KIF6: variants seen among roughly 807,000 people sequenced by gnomAD.
KIF6 encodes the protein kinesin family member 6, also known as kinesin-like protein KIF6.
KIF6 carries 106 observed loss-of-function variants against 112.7 expected under a neutral mutation model. That is an observed-to-expected ratio of 0.94 (90% CI 0.80 to 1.11). The LOEUF (loss-of-function observed/expected upper bound fraction) is 1.11. Ranked by LOEUF, KIF6 falls within the 50% of genes least tolerant of loss-of-function variation. The pLI, the probability that KIF6 is intolerant of heterozygous loss-of-function variation, is 0.00. For missense variants in KIF6, 929 were observed against 964.0 expected, an observed-to-expected ratio of 0.96 and a Z score of 0.48; for synonymous variants, 339 against 339.9, an observed-to-expected ratio of 1.00 and a Z score of 0.03.
chr6:39,571,823 C>A (rs1254240304), intron 10 of KIF6, among the ~76,000 whole-genome samples: 1 of 152,164 alleles, frequency 6.6e-6, no homozygotes. Context: ...TTAGTGTTTG[C>A]TATATGCAAA....
intron 6 of KIF6, among the ~76,000 whole-genome samples, chr6:39,608,130 G>T (rs988265678): frequency 6.6e-6 from 1 of 152,074 alleles, no homozygotes; most frequent in Non-Finnish European, 1.5e-5. Context: ...CTTCCACAAG[G>T]TCATACAACT....
At chr6:39,682,493 T>G (rs1368345807) in intron 3 of KIF6, among the ~76,000 whole-genome samples, 1 of 152,242 alleles carries the variant, frequency 6.6e-6, no homozygotes. Context: ...ATGTGGTCTG[T>G]CAATGATCTA....
chr6:39,640,877 G>A (rs911903413), intron 3 of KIF6, among the ~76,000 whole-genome samples: 3 of 152,266 alleles, frequency 2.0e-5, no homozygotes, highest in Admixed American at 1.3e-4. Flanking sequence ...ATCTGTTGCT[G>A]TGTAGGTAGA....
chr6:39,578,329 ATT>A (rs35778593), intron 9 of KIF6, among the ~76,000 whole-genome samples, 170 bp from the exon 10 acceptor site: 39 of 125,118 alleles, frequency 3.1e-4, no homozygotes, highest in Admixed American at 5.2e-4. Context: ...ATAGTTCTAG[ATT>A]TTTTTTTTTT....
intron 3 of KIF6, among the ~76,000 whole-genome samples, chr6:39,678,136 A>G (rs961978666): frequency 2.0e-5 from 3 of 151,902 alleles, no homozygotes; most frequent in Non-Finnish European, 2.9e-5. Context: ...GGCAATCATT[A>G]AAAAGTCAGG....
At chr6:39,724,188 C>T (rs1183412756) in intron 1 of KIF6, among the ~76,000 whole-genome samples, 1 of 152,158 alleles carries the variant, frequency 6.6e-6, no homozygotes, top group Non-Finnish European at 1.5e-5. Flanking sequence ...CGGTGGCTCA[C>T]GCCTGTAATC....
intron 13 of KIF6, among the ~76,000 whole-genome samples, chr6:39,473,229 A>C (rs1774236836): frequency 6.6e-6 from 1 of 152,214 alleles, no homozygotes; most frequent in Non-Finnish European, 1.5e-5. Context: ...TGGGCTTAAA[A>C]GACTTCTACA....
At chr6:39,704,570 A>G (rs773153169) in intron 3 of KIF6, among the ~76,000 whole-genome samples, 3 of 152,144 alleles carry the variant, frequency 2.0e-5, no homozygotes, top group Non-Finnish European at 2.9e-5. Flanking sequence ...GTGAGCCAAG[A>G]TCGTGCCACC....
intron 3 of KIF6, among the ~76,000 whole-genome samples, chr6:39,696,332 G>A (rs115872918): frequency 0.019 from 2,962 of 152,182 alleles, 45 homozygotes; most frequent in Non-Finnish European, 0.026. Context: ...TTAAAAATGA[G>A]GGGCTCCAAA....
chr6:39,584,224 C>G (rs753818873), intron 9 of KIF6, among the ~76,000 whole-genome samples: 1 of 151,404 alleles, frequency 6.6e-6, no homozygotes, highest in Non-Finnish European at 1.5e-5. Context: ...GAGTTTGAGA[C>G]CAGCCTAGGC....
chr6:39,558,419 T>C (rs970273092), intron 10 of KIF6, among the ~76,000 whole-genome samples: 1 of 152,140 alleles, frequency 6.6e-6, no homozygotes, highest in African/African-American at 2.4e-5. Flanking sequence ...GTAGAACCCA[T>C]ATAAAACTGT....
intron 13 of KIF6, among the ~76,000 whole-genome samples, chr6:39,448,728 GT>G (rs77786166): frequency 0.056 from 8,454 of 152,162 alleles, 441 homozygotes; most frequent in East Asian, 0.24. Flanking sequence ...TTTCATTCAG[GT>G]GCATGGCTTT....
chr6:39,421,817 T>C (rs1276450289), intron 14 of KIF6, among the ~76,000 whole-genome samples: 1 of 152,180 alleles, frequency 6.6e-6, no homozygotes, highest in Non-Finnish European at 1.5e-5. Flanking sequence ...CTTGATGCAA[T>C]TCAGACATTT....
intron 3 of KIF6, 129 bp downstream of exon 3, chr6:39,714,563 C>A: frequency 3.2e-6 from 2 of 633,852 alleles, no homozygotes; most frequent in Non-Finnish European, 5.7e-6. Context: ...GTATTAATGC[C>A]ATCATCATTA....
chr6:39,587,728 C>T (rs1278620675), intron 7 of KIF6, among the ~76,000 whole-genome samples: 1 of 152,154 alleles, frequency 6.6e-6, no homozygotes, highest in Non-Finnish European at 1.5e-5. Flanking sequence ...TGCCCTTCAC[C>T]TTCTTATTGT....
chr6:39,567,045 A>G (rs899286512), intron 10 of KIF6, among the ~76,000 whole-genome samples: 2 of 152,200 alleles, frequency 1.3e-5, no homozygotes, highest in East Asian at 1.9e-4. Context: ...GCATGAGTGT[A>G]TGTTCTAAAG....
At chr6:39,554,384 G>T in intron 10 of KIF6, 1 of 158,478 alleles carries the variant, frequency 6.3e-6, no homozygotes, top group South Asian at 1.8e-4. Context: ...CAAGGCTGGT[G>T]AACAAGGAGG....
intron 6 of KIF6, among the ~76,000 whole-genome samples, chr6:39,606,800 A>T (rs148078137): frequency 2.4e-4 from 37 of 152,292 alleles, no homozygotes; most frequent in African/African-American, 7.2e-4. Flanking sequence ...TAACATTCCC[A>T]GAGTCTTCCT....
At chr6:39,542,770 G>A (rs1778858520) in intron 12 of KIF6, among the ~76,000 whole-genome samples, 1 of 152,176 alleles carries the variant, frequency 6.6e-6, no homozygotes, top group South Asian at 2.1e-4. Flanking sequence ...GCACTTATGG[G>A]CTTTTCTCAG....
Sources: allele counts gnomAD v4.1 joint callset (sites outside exome capture counted in the v4.1 genomes callset), GRCh38; gene constraint gnomAD v4.1.1; transcripts MANE v1.5; gene names NCBI Gene and HGNC (gene_info 2026-07-23, HGNC 2026-07-21).